MLIP: variants seen among roughly 807,000 people sequenced by gnomAD.
MLIP encodes the protein muscular LMNA interacting protein.
A neutral mutation model predicts 84.8 loss-of-function variants in MLIP; 79 were observed. That is an observed-to-expected ratio of 0.93 (90% CI 0.78 to 1.12). MLIP has a LOEUF of 1.12. Ranked by LOEUF, MLIP falls within the 50% of genes most tolerant of loss-of-function variation. The pLI, the probability that MLIP is intolerant of heterozygous loss-of-function variation, is 0.00. For synonymous variants in MLIP, 504 were observed against 463.0 expected (o/e 1.09, Z -1.14); for missense variants, 1,257 against 1,160.6 (o/e 1.08, Z -1.21).
chr6:54,062,635 G>A (rs1766031841), intron 1 of MLIP, among the ~76,000 whole-genome samples: 1 of 152,130 alleles, frequency 6.6e-6, no homozygotes, highest in African/African-American at 2.4e-5. Context: ...TGAGGAACAG[G>A]GAATACTGAG....
At chr6:54,033,218 G>A (rs987381229) in intron 1 of MLIP, among the ~76,000 whole-genome samples, 1 of 151,836 alleles carries the variant, frequency 6.6e-6, no homozygotes, top group African/African-American at 2.4e-5. Flanking sequence ...TCATCACCAC[G>A]AATCTTGGAG....
At chr6:54,109,920 T>C (rs931227358), upstream of MLIP, among the ~76,000 whole-genome samples, 37 of 52,152 alleles carry the variant, frequency 7.1e-4, no homozygotes, top group South Asian at 2.3e-3. Flanking sequence ...TTTCTTTCTT[T>C]CTTTCTTCCT....
At chr6:54,079,878 C>T (rs1440946433) in intron 1 of MLIP, among the ~76,000 whole-genome samples, 1 of 152,152 alleles carries the variant, frequency 6.6e-6, no homozygotes, top group African/African-American at 2.4e-5. Context: ...TATCAGTTGT[C>T]CCTCTTACTG....
intron 12 of MLIP, among the ~76,000 whole-genome samples, chr6:54,245,738 C>T (rs915242154): frequency 6.6e-6 from 1 of 152,114 alleles, no homozygotes; most frequent in East Asian, 1.9e-4. Flanking sequence ...TTTACCTACA[C>T]AAATATCAAT....
chr6:54,177,969 T>C (rs946357789), intron 9 of MLIP, among the ~76,000 whole-genome samples: 3 of 152,036 alleles, frequency 2.0e-5, no homozygotes, highest in Non-Finnish European at 2.9e-5. Flanking sequence ...CCACATATTC[T>C]CACATATAAG....
At chr6:54,248,316 T>G (rs996518802) in intron 12 of MLIP, among the ~76,000 whole-genome samples, 1 of 152,162 alleles carries the variant, frequency 6.6e-6, no homozygotes, top group Non-Finnish European at 1.5e-5. Flanking sequence ...AGTGTTCTCT[T>G]AAAGGATAGA....
intron 1 of MLIP, among the ~76,000 whole-genome samples, chr6:54,063,769 G>T (rs1766114141): frequency 6.6e-6 from 1 of 150,780 alleles, no homozygotes; most frequent in African/African-American, 2.4e-5. Context: ...GCCTTTCTTA[G>T]TACGTATAGT....
At chr6:54,123,169 T>C (rs1422132114) in intron 2 of MLIP, among the ~76,000 whole-genome samples, 1 of 151,574 alleles carries the variant, frequency 6.6e-6, no homozygotes, top group Non-Finnish European at 1.5e-5. Flanking sequence ...TCTCCTGACC[T>C]CGTGATCCGC....
intron 10 of MLIP, among the ~76,000 whole-genome samples, chr6:54,192,356 ATTT>A (rs1241674071): frequency 6.6e-6 from 1 of 151,974 alleles, no homozygotes; most frequent in African/African-American, 2.4e-5. Context: ...TTTGGTTTCT[ATTT>A]CATGTCGTTA....
intron 5 of MLIP, among the ~76,000 whole-genome samples, chr6:54,159,639 G>A (rs1040621645): frequency 2.6e-5 from 4 of 152,012 alleles, no homozygotes; most frequent in South Asian, 4.1e-4. Context: ...CCCAGCAGAC[G>A]TATTAGATGA....
At chr6:54,173,529 C>T (rs1775975605) in intron 9 of MLIP, among the ~76,000 whole-genome samples, 1 of 151,652 alleles carries the variant, frequency 6.6e-6, no homozygotes, top group African/African-American at 2.4e-5. Flanking sequence ...TCTTATGACA[C>T]TCATTTTTAA....
chr6:54,117,016 C>T lies in MLIP; in HGVS notation c.97-4431C>T, dbSNP rs1318801123. ...TAAAATGTATGATTACTTCAATAGA[C>T]GCAGAAAAGCATTTGACAAAATTTA... On this transcript the variant is annotated intron_variant, in intron 1 of 13. Coordinates refer to ENST00000502396, the MANE Select transcript of MLIP (RefSeq NM_001281747.2). Among the ~76,000 whole-genome samples, 5 of 152,054 alleles carry T rather than the reference C, an allele frequency of 3.3e-5. No individual in the cohort carries two copies. In the East Asian group the frequency reaches 5.8e-4, roughly 18 times the overall value.
chr6:54,223,668 G>A (rs893662069), intron 11 of MLIP, among the ~76,000 whole-genome samples: 20 of 151,992 alleles, frequency 1.3e-4, no homozygotes, highest in Non-Finnish European at 2.4e-4. Context: ...CTTCAAAAAA[G>A]GGTGTTTGAA....
intron 11 of MLIP, chr6:54,203,921 A>G (rs1778867359): frequency 6.6e-6 from 1 of 152,222 alleles, no homozygotes; most frequent in African/African-American, 2.4e-5. Flanking sequence ...TGAGGTGTTC[A>G]GATTAGGTAC....
chr6:54,122,269 A>G (rs907085386), intron 2 of MLIP, among the ~76,000 whole-genome samples: 3 of 152,212 alleles, frequency 2.0e-5, no homozygotes, highest in Non-Finnish European at 4.4e-5. Context: ...GCAAAGTTAT[A>G]CTGATGGTAA....
intron 1 of MLIP, among the ~76,000 whole-genome samples, chr6:54,077,933 C>T (rs1206167406): frequency 2.0e-5 from 3 of 152,072 alleles, no homozygotes; most frequent in Non-Finnish European, 2.9e-5. Flanking sequence ...CTTTACATGC[C>T]GGTCAAAATC....
In MLIP at chr6:54,136,763, G is replaced by C. The variant is rs112078762; in HGVS notation, c.694G>C (p.Ala232Pro). 5.3e-6 allele frequency: 8 copies of C among 1,518,082 alleles called. No homozygotes were observed. In the African/African-American group the frequency reaches 5.5e-5, roughly 10 times the overall value. The allele number at this position is 1,518,082 out of a possible 1,614,324, so 94.0% of individuals were successfully genotyped here. ...TSEQLACKPP[A>P]FSFVSPTNPN... ...TGAGCAGCTTGCCTGTAAACCACCT[G>C]CTTTCTCCTTTGTTTCTCCAACTAA... The change falls in exon 4 of 14, where the codon GCT (alanine) becomes CCT (proline). Residue 232 changes from alanine (A) to proline (P), a missense_variant. Coordinates refer to ENST00000502396, the MANE Select transcript of MLIP (RefSeq NM_001281747.2).
rs1468969978 is a variant in MLIP at position 54,143,953 on chromosome 6, G to T, written c.2218-5103G>T. 3.3e-5 allele frequency among the ~76,000 whole-genome samples: 5 copies of T among 152,138 alleles called. No individual in the cohort carries two copies. In the East Asian group the frequency reaches 7.7e-4, roughly 23 times the overall value. On this transcript the variant is annotated intron_variant, in intron 4 of 13. Transcript: ENST00000502396. ...AATGAAACAAAATTATGCATTTAAG[G>T]TGTTAGAGGAATGAAAAGATAAATG... is the stretch of plus-strand genomic sequence containing the variant.
At chr6:54,022,409 A>G (rs1763546522) in intron 1 of MLIP, among the ~76,000 whole-genome samples, 1 of 152,240 alleles carries the variant, frequency 6.6e-6, no homozygotes. Context: ...ACCTGTTAGC[A>G]TATGAATTTG....
Sources: allele counts gnomAD v4.1 joint callset (sites outside exome capture counted in the v4.1 genomes callset), GRCh38; gene constraint gnomAD v4.1.1; transcripts MANE v1.5; gene names NCBI Gene and HGNC (gene_info 2026-07-23, HGNC 2026-07-21).